SLC31A1: variants seen among roughly 807,000 people sequenced by gnomAD.
SLC31A1 encodes the protein solute carrier family 31 member 1, also known as high affinity copper uptake protein 1.
In SLC31A1, 5 loss-of-function variants were observed where a neutral mutation model predicts 17.2. The ratio of observed to expected loss-of-function variants is 0.29; its 90% CI spans 0.15 to 0.61. The LOEUF (loss-of-function observed/expected upper bound fraction) is 0.61. Among genes scored for constraint, SLC31A1 ranks in the 20% least tolerant of loss-of-function variants. The probability of loss-of-function intolerance (pLI) is 0.86; values close to 1 mark genes in which losing one functional copy is unlikely to be tolerated. For synonymous variants in SLC31A1, 76 were observed against 78.8 expected, an observed-to-expected ratio of 0.96 and a Z score of 0.19; for missense variants, 161 against 241.4, an observed-to-expected ratio of 0.67 and a Z score of 2.21.
At position 113,260,425 on chromosome 9, in the gene SLC31A1, C is replaced by T. The variant is rs147107178; in HGVS notation, c.525C>T (p.Phe175=). The change falls in exon 5 of 5, where the codon TTC becomes TTT. Residue 175 remains phenylalanine (F), a synonymous_variant. Transcript: ENST00000374212. ...AAGAGTGYFL[F]SWKKAVVVDI... ...GGGCCGGTACAGGATACTTCCTCTT[C>T]AGCTGGAAGAAGGCAGTGGTAGTGG... is the stretch of plus-strand genomic sequence containing the variant. The T allele has an allele frequency of 5.0e-4, 815 of 1,614,160 alleles. 9 individuals carry two copies. The Middle Eastern group carries it at 5.3e-3, about 10-fold the overall frequency.
At position 113,250,224 on chromosome 9, in the gene SLC31A1, C is replaced by G. The variant is rs1428005771; in HGVS notation, c.-35-5890C>G. Among the ~76,000 whole-genome samples the G allele has an allele frequency of 8.6e-4, 111 of 128,540 alleles. 1 individual carries two copies. Among genetic ancestry groups the G allele is most frequent in the African/African-American group, 3.1e-3 (104 of 34,004 alleles). The allele number at this position is 128,540 out of a possible 152,430, so 84.3% of individuals were successfully genotyped here. A position where few individuals can be genotyped will look rare whatever the true frequency, so the allele number is the denominator to read the frequency against. ...AATCATGCTGCTATAAAGACACATG[C>G]ACACATATGTTTATTGCGGCATTAT... On this transcript the variant is annotated intron_variant, in intron 1 of 4. Transcript: ENST00000374212.
chr9:113,241,820 C>T (rs1184341167), intron 1 of SLC31A1, among the ~76,000 whole-genome samples: 4 of 152,206 alleles, frequency 2.6e-5, no homozygotes, highest in Admixed American at 2.0e-4. Context: ...TACCATTTCT[C>T]AATACCATTC....
intron 1 of SLC31A1, among the ~76,000 whole-genome samples, chr9:113,231,443 G>A (rs1227117525): frequency 6.6e-6 from 1 of 151,926 alleles, no homozygotes; most frequent in East Asian, 1.9e-4. Flanking sequence ...ATGTACCTAT[G>A]TTCCCAGCTA....
chr9:113,223,813 TTAG>T (rs1245171550), intron 1 of SLC31A1, among the ~76,000 whole-genome samples: 1 of 152,144 alleles, frequency 6.6e-6, no homozygotes, highest in Admixed American at 6.6e-5. Flanking sequence ...CATTTTAAAA[TTAG>T]TAGTTTAAAG....
At chr9:113,223,527 G>GT (rs1831310142) in intron 1 of SLC31A1, among the ~76,000 whole-genome samples, 1 of 152,118 alleles carries the variant, frequency 6.6e-6, no homozygotes, top group African/African-American at 2.4e-5. Context: ...GGATACAAAG[G>GT]TAAGTAAGGC....
Position 113,233,117 on chromosome 9 carries a change from A to G in SLC31A1, c.-36+11439A>G, listed in dbSNP as rs553418930. 4.6e-5 allele frequency among the ~76,000 whole-genome samples: 7 copies of G among 152,338 alleles called. No homozygotes were observed. In the East Asian group the frequency reaches 9.6e-4, roughly 21 times the overall value. On this transcript the variant is annotated intron_variant, in intron 1 of 4. Coordinates refer to ENST00000374212, the MANE Select transcript of SLC31A1 (RefSeq NM_001859.4). ...TAACCACTGTGCTGTGGCCTCAGTG[A>G]ACTCCTGCTAATAATTCTTTAAAAC... is the stretch of plus-strand genomic sequence containing the variant.
At position 113,256,156 on chromosome 9, in the gene SLC31A1, A is replaced by G. The variant is rs1321581702; in HGVS notation, c.8A>G (p.His3Arg). MD[H>R]SHHMGMSYMD... ...CAACTTTTCCTGGAAAAAATGGATC[A>G]TTCCCACCATATGGGGATGAGCTAT... The change falls in exon 2 of 5, where the codon CAT becomes CGT. Residue 3 changes from histidine to arginine, a missense_variant. Coordinates refer to ENST00000374212, the MANE Select transcript of SLC31A1 (RefSeq NM_001859.4). The G allele has an allele frequency of 3.1e-6, 5 of 1,612,276 alleles. No individual in the cohort carries two copies. The highest frequency in any genetic ancestry group is 3.4e-6 in the Non-Finnish European group (4 of 1,179,962).
chr9:113,250,540 AG>A (rs1418447043), intron 1 of SLC31A1, among the ~76,000 whole-genome samples: 1 of 86,134 alleles, frequency 1.2e-5, no homozygotes, highest in Non-Finnish European at 2.3e-5. Context: ...GGGTTGGGGG[AG>A]GGGGGAGGGA....
intron 1 of SLC31A1, among the ~76,000 whole-genome samples, chr9:113,253,916 A>G (rs1050111590): frequency 1.3e-5 from 2 of 151,020 alleles, no homozygotes; most frequent in African/African-American, 4.9e-5. Flanking sequence ...GAGAAAATAA[A>G]TAGATGGCTC....
chr9:113,256,583 C>G, intron 2 of SLC31A1: 1 of 294,314 alleles, frequency 3.4e-6, no homozygotes, highest in Admixed American at 4.7e-5. Context: ...AAAAGTTGGC[C>G]AGGCACAGTG....
At chr9:113,256,578 T>C (rs1483557237) in intron 2 of SLC31A1, 2 of 299,116 alleles carry the variant, frequency 6.7e-6, no homozygotes, top group Admixed American at 9.2e-5. Flanking sequence ...AAGACAAAAG[T>C]TGGCCAGGCA....
chr9:113,238,894 T>C (rs1831492213), intron 1 of SLC31A1, among the ~76,000 whole-genome samples: 1 of 152,240 alleles, frequency 6.6e-6, no homozygotes, highest in African/African-American at 2.4e-5. Context: ...GTATAGATTA[T>C]GTAGTCTATT....
rs566609721 is a variant in SLC31A1 at position 113,252,535 on chromosome 9, C to T, written c.-35-3579C>T. On this transcript the variant is annotated intron_variant, in intron 1 of 4. Coordinates refer to ENST00000374212, the MANE Select transcript of SLC31A1 (RefSeq NM_001859.4). The stretch of plus-strand genomic sequence containing the variant: ...AACTCCTGACCTCAGGTGATCTGCC[C>T]GCCTTGGCCTCCCAAAGTGCTGGGA... 1.6e-3 allele frequency among the ~76,000 whole-genome samples: 239 copies of T among 152,212 alleles called. 1 individual carries two copies. Among genetic ancestry groups the T allele is most frequent in the African/African-American group, 5.4e-3 (226 of 41,536 alleles).
chr9:113,257,478 ATTTTTTT>A (rs532189321), intron 3 of SLC31A1, among the ~76,000 whole-genome samples: 1 of 101,178 alleles, frequency 9.9e-6, no homozygotes. Context: ...AGAGTGTTTA[ATTTTTTT>A]TTTTTTTTTT....
At chr9:113,247,718 A>G (rs1831598111) in intron 1 of SLC31A1, among the ~76,000 whole-genome samples, 1 of 152,190 alleles carries the variant, frequency 6.6e-6, no homozygotes, top group South Asian at 2.1e-4. Flanking sequence ...TTGGAAAAAT[A>G]TCATACCATA....
rs1381357956 is a variant in SLC31A1 at position 113,260,498 on chromosome 9, A to T, written c.*25A>T. The T allele has an allele frequency of 6.3e-6, 10 of 1,599,128 alleles. No homozygotes were observed. The highest frequency in any genetic ancestry group is 3.3e-4 in the Middle Eastern group (2 of 6,056). On this transcript the variant is annotated 3_prime_UTR_variant, in exon 5 of 5. Coordinates refer to ENST00000374212, the MANE Select transcript of SLC31A1 (RefSeq NM_001859.4). ...ACATCAAACTCTATGGCGTGGCCTT[A>T]TCGATTGCAGTGGGAAGTTGTTGAA...
At chr9:113,241,162 C>T (rs1831517733) in intron 1 of SLC31A1, among the ~76,000 whole-genome samples, 1 of 151,614 alleles carries the variant, frequency 6.6e-6, no homozygotes, top group Non-Finnish European at 1.5e-5. Flanking sequence ...AAGTCTGTAA[C>T]AGACTTAAAT....
rs1472648719 is a variant in SLC31A1 at position 113,221,613 on chromosome 9, TCGTGAGGGGGTGA to T, written c.-98_-86del. ...AGAAGTGGAGGGGCCGTTCGAAGAG[TCGTGAGGGGGTGA>T]CGGGTTAAGATTCGGAGAGAGAGGT... is the stretch of plus-strand genomic sequence containing the variant. On this transcript the variant is annotated 5_prime_UTR_variant, in exon 1 of 5. Transcript: ENST00000374212. The T allele has an allele frequency of 2.6e-6, 1 of 383,338 alleles. No individual in the cohort carries two copies. Among genetic ancestry groups the T allele is most frequent in the East Asian group, 6.6e-5 (1 of 15,180 alleles). 23.7% of individuals were successfully genotyped at this position (383,338 alleles called of 1,614,324 possible).
chr9:113,260,697 C>T lies in SLC31A1; in HGVS notation c.*224C>T, dbSNP rs1320086742. 8 of 571,896 alleles carry T rather than the reference C, an allele frequency of 1.4e-5. No homozygotes were observed. Among genetic ancestry groups the T allele is most frequent in the Non-Finnish European group, 2.5e-5 (8 of 313,746 alleles). 35.4% of individuals were successfully genotyped at this position (571,896 alleles called of 1,614,324 possible). The stretch of plus-strand genomic sequence containing the variant: ...GTTTTTTCTAATAAGCTGAGATTCC[C>T]ATTTCTCTTAAGGAGAAGCCACCCA... On this transcript the variant is annotated 3_prime_UTR_variant, in exon 5 of 5. Coordinates refer to ENST00000374212, the MANE Select transcript of SLC31A1 (RefSeq NM_001859.4).
Sources: allele counts gnomAD v4.1 joint callset (sites outside exome capture counted in the v4.1 genomes callset), GRCh38; gene constraint gnomAD v4.1.1; transcripts MANE v1.5; gene names NCBI Gene and HGNC (gene_info 2026-07-23, HGNC 2026-07-21).